DOK6: variants seen among roughly 807,000 people sequenced by gnomAD.
DOK6 encodes the protein downstream of tyrosine kinase 6.
In DOK6, 22 loss-of-function variants were observed where a neutral mutation model predicts 44.0. The observed-to-expected ratio is 0.50, with a 90% CI of 0.36 to 0.71. The LOEUF is 0.71. DOK6 is among the 30% of genes least tolerant of loss of function. DOK6 has a pLI of 0.00. For synonymous variants in DOK6, 166 were observed against 145.5 expected, an observed-to-expected ratio of 1.14 and a Z score of -1.01; for missense variants, 340 against 416.4, an observed-to-expected ratio of 0.82 and a Z score of 1.60.
intron 3 of DOK6, among the ~76,000 whole-genome samples, chr18:69,626,359 T>A (rs1487580223): frequency 1.3e-5 from 2 of 152,216 alleles, no homozygotes; most frequent in Non-Finnish European, 1.5e-5. Context: ...TCCATTCACA[T>A]TTGCTCCTGT....
chr18:69,689,290 C>T (rs1056511843), intron 4 of DOK6, among the ~76,000 whole-genome samples: 14 of 152,146 alleles, frequency 9.2e-5, no homozygotes, highest in South Asian at 2.1e-4. Context: ...GAACATTATA[C>T]GTAAGATATG....
At chr18:69,580,941 A>G (rs1983354848) in intron 2 of DOK6, among the ~76,000 whole-genome samples, 1 of 152,134 alleles carries the variant, frequency 6.6e-6, no homozygotes, top group African/African-American at 2.4e-5. Context: ...ATCTTTCTGT[A>G]CCTATCTTAT....
At chr18:69,804,235 C>A (rs1345657143) in intron 7 of DOK6, among the ~76,000 whole-genome samples, 1 of 152,094 alleles carries the variant, frequency 6.6e-6, no homozygotes, top group African/African-American at 2.4e-5. Flanking sequence ...AAGTTGTTTT[C>A]ACTGAGACAA....
intron 3 of DOK6, among the ~76,000 whole-genome samples, chr18:69,601,981 T>C (rs1983884143): frequency 6.6e-6 from 1 of 152,214 alleles, no homozygotes; most frequent in Non-Finnish European, 1.5e-5. Flanking sequence ...AAATGAATAT[T>C]TATGAGTCCA....
chr18:69,744,820 G>A (rs907965483), intron 6 of DOK6, among the ~76,000 whole-genome samples: 1 of 151,784 alleles, frequency 6.6e-6, no homozygotes, highest in African/African-American at 2.4e-5. Context: ...CAGCTACTTA[G>A]GAGGCTGAGG....
intron 1 of DOK6, among the ~76,000 whole-genome samples, chr18:69,528,310 A>T (rs576507851): frequency 2.0e-5 from 3 of 152,228 alleles, no homozygotes; most frequent in Non-Finnish European, 4.4e-5. Context: ...TGTCATAAAT[A>T]TAACGGTTAT....
intron 3 of DOK6, 121 bp from the exon 4 acceptor site, chr18:69,677,613 G>GT (rs1188989252): frequency 6.6e-7 from 1 of 1,518,590 alleles, no homozygotes; most frequent in Non-Finnish European, 8.9e-7. Flanking sequence ...GTTTTTTGTT[G>GT]TTTTTTTAAA....
At chr18:69,749,087 C>G (rs963512852) in intron 6 of DOK6, among the ~76,000 whole-genome samples, 2 of 151,496 alleles carry the variant, frequency 1.3e-5, no homozygotes, top group Non-Finnish European at 2.9e-5. Context: ...TCCTCACTTG[C>G]GAGTGGGAAC....
At chr18:69,549,135 G>C (rs1241844173) in intron 1 of DOK6, among the ~76,000 whole-genome samples, 1 of 150,290 alleles carries the variant, frequency 6.7e-6, no homozygotes, top group Non-Finnish European at 1.5e-5. Flanking sequence ...CTACCTTAAC[G>C]TGCCTTAAGT....
chr18:69,800,564 C>T (rs1453414764), intron 7 of DOK6, among the ~76,000 whole-genome samples: 3 of 152,062 alleles, frequency 2.0e-5, no homozygotes, highest in Non-Finnish European at 4.4e-5. Context: ...GAAAAGGGTT[C>T]ATGTGAATAT....
At chr18:69,570,999 T>A (rs572427777) in intron 2 of DOK6, among the ~76,000 whole-genome samples, 133 of 152,096 alleles carry the variant, frequency 8.7e-4, no homozygotes, top group Non-Finnish European at 1.5e-3. Flanking sequence ...TATAAATATA[T>A]AGGTAAATAT....
intron 2 of DOK6, among the ~76,000 whole-genome samples, chr18:69,582,428 G>A (rs944766911): frequency 6.6e-6 from 1 of 151,470 alleles, no homozygotes; most frequent in African/African-American, 2.4e-5. Context: ...ATCTCACCTA[G>A]GGTTGGTCTC....
intron 5 of DOK6, among the ~76,000 whole-genome samples, chr18:69,734,306 T>C (rs1176470224): frequency 6.6e-6 from 1 of 151,186 alleles, no homozygotes; most frequent in Non-Finnish European, 1.5e-5. Context: ...TTTTCTGTAC[T>C]GTTGTTTTTT....
At chr18:69,577,988 C>T (rs1308514765) in intron 2 of DOK6, among the ~76,000 whole-genome samples, 7 of 152,092 alleles carry the variant, frequency 4.6e-5, no homozygotes, top group Non-Finnish European at 7.4e-5. Context: ...ATGATTCAGA[C>T]TCCTAGGAAA....
intron 7 of DOK6, among the ~76,000 whole-genome samples, chr18:69,840,055 T>C (rs563000235): frequency 6.6e-6 from 1 of 152,368 alleles, no homozygotes; most frequent in South Asian, 2.1e-4. Context: ...GTTTCCTCCC[T>C]GCATCCCAAG....
chr18:69,782,459 C>T (rs1285888780), intron 7 of DOK6, among the ~76,000 whole-genome samples: 3 of 152,096 alleles, frequency 2.0e-5, no homozygotes, highest in Non-Finnish European at 2.9e-5. Flanking sequence ...GATCCCCCCG[C>T]CTCGGCCTCC....
chr18:69,497,235 A>T (rs1301854549), intron 1 of DOK6, among the ~76,000 whole-genome samples: 1 of 152,218 alleles, frequency 6.6e-6, no homozygotes, highest in African/African-American at 2.4e-5. Context: ...TTTGTCTGAA[A>T]TATACATTTC....
At chr18:69,521,045 T>A (rs1222094686) in intron 1 of DOK6, among the ~76,000 whole-genome samples, 3 of 151,946 alleles carry the variant, frequency 2.0e-5, no homozygotes, top group African/African-American at 7.2e-5. Context: ...AGTGTATGAA[T>A]GCTTAGTCTT....
In DOK6 at chr18:69,677,370, G is replaced by GTGTATATATA. The variant is rs1555722635; in HGVS notation, c.290-363_290-362insGTATATATAT. On this transcript the variant is annotated intron_variant, in intron 3 of 7. Coordinates refer to ENST00000382713, the MANE Select transcript of DOK6 (RefSeq NM_152721.6). Reference sequence around the variant, plus strand: ...CTATATATATATTATATATGTGTGTGTATATATATATATATGTATATAAAA... The same window carrying GTGTATATATA: ...CTATATATATATTATATATGTGTGTGTGTATATATATATATATATATATATGTATATAAAA... Among the ~76,000 whole-genome samples, 566 of 149,226 alleles carry GTGTATATATA rather than the reference G, an allele frequency of 3.8e-3. 1 individual carries two copies. The highest frequency in any genetic ancestry group is 0.013 in the African/African-American group (515 of 40,844).
Sources: allele counts gnomAD v4.1 joint callset (sites outside exome capture counted in the v4.1 genomes callset), GRCh38; gene constraint gnomAD v4.1.1; transcripts MANE v1.5; gene names NCBI Gene and HGNC (gene_info 2026-07-23, HGNC 2026-07-21).